The following RYR2 variants were observed in gnomAD, a reference collection of about 807,000 sequenced individuals.
RYR2 encodes ryanodine receptor 2.
Under a neutral mutation model 601.1 loss-of-function variants are expected in RYR2, and 227 were observed. That is an observed-to-expected ratio of 0.38 (90% confidence interval 0.34 to 0.42). RYR2 has a LOEUF of 0.42. Ranked by LOEUF, RYR2 falls within the 10% of genes least tolerant of loss-of-function variation. The probability of loss-of-function intolerance (pLI) is 1.00; values close to 1 mark genes in which losing one functional copy is unlikely to be tolerated. For missense variants in RYR2, 4,646 were observed against 6,156.5 expected, an observed-to-expected ratio of 0.75 and a Z score of 8.21; for synonymous variants, 2,223 against 2,175.1, an observed-to-expected ratio of 1.02 and a Z score of -0.61.
At chr1:237,224,097 A>G (rs1345795260) in intron 1 of RYR2, among the ~76,000 whole-genome samples, 5 of 152,236 alleles carry the variant, frequency 3.3e-5, no homozygotes, top group Admixed American at 1.3e-4. Context: ...ATGGTAATAC[A>G]GTTGAACCCT....
intron 1 of RYR2, among the ~76,000 whole-genome samples, chr1:237,133,148 A>G (rs1250281344): frequency 6.6e-6 from 1 of 152,168 alleles, no homozygotes; most frequent in Non-Finnish European, 1.5e-5. Context: ...GGGCCAGACA[A>G]GTCTGCACAC....
intron 29 of RYR2, among the ~76,000 whole-genome samples, chr1:237,587,763 T>C (rs2618711): frequency 0.91 from 137,735 of 152,128 alleles, 63,879 homozygotes; most frequent in East Asian, 1. Flanking sequence ...ATTTCAAATA[T>C]GCAGAAAAGT....
Position 237,688,400 on chromosome 1 carries a change from G to GTA in RYR2, c.9067+907_9067+908dup, listed in dbSNP as rs901251108. On this transcript the variant is annotated intron_variant, in intron 63 of 104. Transcript: ENST00000366574. The stretch of plus-strand genomic sequence containing the variant: ...AAGTCACAGTTAAACTGAGGAACGG[G>GTA]TATATATATATACATATATATATAT... Among the ~76,000 whole-genome samples, 22 of 151,284 alleles carry GTA rather than the reference G, an allele frequency of 1.5e-4. No homozygotes were observed. The East Asian group carries it at 1.8e-3, about 12-fold the overall frequency.
chr1:237,264,091 G>GCACACA (rs34623856), intron 1 of RYR2, among the ~76,000 whole-genome samples: 11,259 of 147,380 alleles, frequency 0.076, 603 homozygotes, highest in African/African-American at 0.16. Context: ...ACATGCACAT[G>GCACACA]CACACACACA....
chr1:237,162,310 G>A (rs758036902), intron 1 of RYR2, among the ~76,000 whole-genome samples: 2 of 152,016 alleles, frequency 1.3e-5, no homozygotes, highest in Admixed American at 6.6e-5. Context: ...GAATGAACAC[G>A]CCATCACATA....
chr1:237,770,847 C>G lies in RYR2; in HGVS notation c.11517C>G (p.Leu3839=), dbSNP rs1261001317. The change falls in exon 85 of 105, where the codon CTC becomes CTG. Residue 3839 remains leucine, a synonymous_variant. Transcript: ENST00000366574. ...AGGACGATGAGTTCACCTGTGACCT[C>G]TTCCGATTCCTGCAACTACTCTGTG... The part of the protein sequence containing the change: ...VLQDDEFTCD[L]FRFLQLLCEG... 6.4e-7 allele frequency: 1 copy of G among 1,553,274 alleles called. No homozygotes were observed.
At chr1:237,643,758 G>A (rs555614866) in intron 48 of RYR2, among the ~76,000 whole-genome samples, 3 of 151,234 alleles carry the variant, frequency 2.0e-5, no homozygotes, top group East Asian at 2.0e-4. Context: ...GACTACAGGC[G>A]CCCGTCACCA....
chr1:237,308,800 C>T (rs1385313384), intron 2 of RYR2, among the ~76,000 whole-genome samples: 1 of 152,216 alleles, frequency 6.6e-6, no homozygotes, highest in East Asian at 1.9e-4. Context: ...CAGGTTGCCT[C>T]TGCTGGCTTG....
intron 80 of RYR2, among the ~76,000 whole-genome samples, chr1:237,747,896 G>A (rs7527324): frequency 0.066 from 10,001 of 152,128 alleles, 1,106 homozygotes; most frequent in African/African-American, 0.23. Flanking sequence ...ATGGACTAAA[G>A]CATTAAGAGT....
chr1:237,571,046 G>T (rs980195561), intron 29 of RYR2, among the ~76,000 whole-genome samples: 1 of 152,094 alleles, frequency 6.6e-6, no homozygotes, highest in East Asian at 1.9e-4. Context: ...AGGATCACTC[G>T]AGTCCAGGGA....
chr1:237,278,855 T>C (rs1162967527), intron 2 of RYR2, among the ~76,000 whole-genome samples: 1 of 152,224 alleles, frequency 6.6e-6, no homozygotes, highest in Non-Finnish European at 1.5e-5. Context: ...GCTCTTCGTT[T>C]CTCCTTTTCA....
intron 7 of RYR2, 151 bp from the exon 8 acceptor site, chr1:237,377,172 A>T (rs1447064706): frequency 3.7e-6 from 2 of 542,148 alleles, no homozygotes; most frequent in Admixed American, 3.4e-5. Flanking sequence ...ATCCTAAGCT[A>T]AGGCTTAATT....
At chr1:237,066,641 CT>C (rs71178383) in intron 1 of RYR2, among the ~76,000 whole-genome samples, 110,284 of 147,036 alleles carry the variant, frequency 0.75, 42,024 homozygotes, top group East Asian at 0.99. Flanking sequence ...CCGTGTCTTT[CT>C]TTTTTTTTTT....
intron 1 of RYR2, among the ~76,000 whole-genome samples, chr1:237,147,949 C>T (rs1558318399): frequency 6.6e-6 from 1 of 152,188 alleles, no homozygotes; most frequent in African/African-American, 2.4e-5. Flanking sequence ...TGGCCTTGGC[C>T]TTTTCATGGC....
chr1:237,454,678 A>C, intron 15 of RYR2, 104 bp downstream of exon 15: 3 of 1,104,552 alleles, frequency 2.7e-6, no homozygotes, highest in South Asian at 2.8e-5. Flanking sequence ...TGCGTTTTGC[A>C]ATATAGAGGA....
chr1:237,424,015 G>T (rs554606265), intron 12 of RYR2, among the ~76,000 whole-genome samples: 2 of 152,156 alleles, frequency 1.3e-5, no homozygotes, highest in Admixed American at 1.3e-4. Context: ...AGGAGAAAGC[G>T]TCAAACACTT....
In RYR2 at chr1:237,784,842, C is replaced by G; in HGVS notation, c.13130C>G (p.Ser4377Trp). ...KELTEESDLL[S>W]DIFGLDLKRE... Reference sequence around the variant, plus strand: ...CTGACAGAGGAAAGTGACCTTCTTTCGGACATCTTTGGCCTGGATCTGAAG... The same window carrying G: ...CTGACAGAGGAAAGTGACCTTCTTTGGGACATCTTTGGCCTGGATCTGAAG... Residue 4377 changes from serine to tryptophan, a missense_variant, in exon 90 of 105, where the codon TCG (serine) becomes TGG (tryptophan). By Grantham distance (177) the Ser-to-Trp change is radical (BLOSUM62 -3). Around this residue, in one of 17 missense-constraint regions of RYR2, gnomAD observed 364 missense variants for 442.9 expected, o/e 0.82. Transcript: ENST00000366574. This position sits in a 1 kb window ranked among gnomAD's most constrained non-coding sequence, Gnocchi z 7.1. 1 of 1,613,780 alleles carries G rather than the reference C, an allele frequency of 6.2e-7. No homozygotes were observed. Among genetic ancestry groups the G allele is most frequent in the Non-Finnish European group, 8.5e-7 (1 of 1,179,782 alleles).
chr1:237,411,148 G>A (rs1352946131), intron 10 of RYR2, among the ~76,000 whole-genome samples: 1 of 152,190 alleles, frequency 6.6e-6, no homozygotes, highest in Non-Finnish European at 1.5e-5. Context: ...GTCACCTCCA[G>A]TGACTACAGC....
At chr1:237,603,453 A>G (rs12137565) in intron 35 of RYR2, among the ~76,000 whole-genome samples, 81,818 of 152,052 alleles carry the variant, frequency 0.54, 22,357 homozygotes, top group East Asian at 0.71. Flanking sequence ...TTCTGGCGCC[A>G]AGTGCCCGGC....
Sources: allele counts gnomAD v4.1 joint callset (sites outside exome capture counted in the v4.1 genomes callset), GRCh38; gene constraint gnomAD v4.1.1; regional missense constraint gnomAD v4.1.1; non-coding constraint Gnocchi (gnomAD v3.1); transcripts MANE v1.5; gene names NCBI Gene and HGNC (gene_info 2026-07-23, HGNC 2026-07-21).